GPR39: variants seen among roughly 807,000 people sequenced by gnomAD.
GPR39 encodes zinc sensing receptor.
Under a neutral mutation model 18.4 loss-of-function variants are expected in GPR39, and 23 were observed. That is an observed-to-expected ratio of 1.25 (90% CI 0.90 to 1.77). The LOEUF (loss-of-function observed/expected upper bound fraction) is 1.77. Among genes scored for constraint, GPR39 ranks in the 40% most tolerant of loss-of-function variants. GPR39 has a pLI of 0.00. For missense variants in GPR39, 647 were observed against 602.4 expected (o/e 1.07, Z -0.78); for synonymous variants, 280 against 257.9 (o/e 1.09, Z -0.82).
At chr2:132,590,604 AAAG>A (rs1402031631) in intron 1 of GPR39, among the ~76,000 whole-genome samples, 1 of 152,118 alleles carries the variant, frequency 6.6e-6, no homozygotes, top group African/African-American at 2.4e-5. Flanking sequence ...GGGACTTGCC[AAAG>A]AAGAGAAGAT....
chr2:132,565,799 A>C (rs1309338274), intron 1 of GPR39, among the ~76,000 whole-genome samples: 2 of 148,654 alleles, frequency 1.3e-5, no homozygotes, highest in Non-Finnish European at 3.0e-5. Context: ...CCAGTCTATC[A>C]TTGTTGGACA....
chr2:132,613,430 C>T (rs1681269754), intron 1 of GPR39, among the ~76,000 whole-genome samples: 1 of 152,230 alleles, frequency 6.6e-6, no homozygotes, highest in Non-Finnish European at 1.5e-5. Context: ...TTAGATTAAA[C>T]ACCTCCTTCA....
intron 1 of GPR39, among the ~76,000 whole-genome samples, chr2:132,493,628 G>A (rs1397096435): frequency 2.0e-5 from 3 of 151,424 alleles, no homozygotes; most frequent in Admixed American, 6.6e-5. Flanking sequence ...TCTGATATGT[G>A]CAGTTAGGTA....
intron 1 of GPR39, among the ~76,000 whole-genome samples, chr2:132,570,201 C>T (rs1329390750): frequency 6.6e-6 from 1 of 152,122 alleles, no homozygotes; most frequent in Admixed American, 6.5e-5. Context: ...TTTCTTTCTT[C>T]CACCTTTATC....
intron 1 of GPR39, among the ~76,000 whole-genome samples, chr2:132,623,419 A>T (rs1356154329): frequency 6.6e-6 from 1 of 152,220 alleles, no homozygotes; most frequent in Non-Finnish European, 1.5e-5. Context: ...AGGGACAGTA[A>T]AGAAGAGTAA....
chr2:132,515,176 G>A (rs998325542), intron 1 of GPR39, among the ~76,000 whole-genome samples: 8 of 152,190 alleles, frequency 5.3e-5, no homozygotes, highest in African/African-American at 1.9e-4. Flanking sequence ...GCAGTAGGTG[G>A]CGTTCTGCCA....
chr2:132,451,136 T>C (rs1680624558), intron 1 of GPR39, among the ~76,000 whole-genome samples: 1 of 140,434 alleles, frequency 7.1e-6, no homozygotes, highest in Non-Finnish European at 1.5e-5. Flanking sequence ...GAGCCATTGC[T>C]ATCTTTGAGG....
At chr2:132,560,160 C>T (rs2104803065) in intron 1 of GPR39, among the ~76,000 whole-genome samples, 1 of 152,330 alleles carries the variant, frequency 6.6e-6, no homozygotes, top group East Asian at 1.9e-4. Flanking sequence ...CAACCGCCCA[C>T]CTGCCATTAT....
intron 1 of GPR39, among the ~76,000 whole-genome samples, chr2:132,514,602 G>T (rs982921367): frequency 6.6e-6 from 1 of 152,186 alleles, no homozygotes. Flanking sequence ...GTCAGGCTTT[G>T]CAGGCTCCTT....
Position 132,569,649 on chromosome 2 carries a change from C to T in GPR39, c.857-75452C>T, listed in dbSNP as rs759802821. Reference sequence around the variant, plus strand: ...GCAGTGGGGGTGGGGGGGGTCCCATCGTTCCCTAGAGCTGGCTGTCAACCT... The same window carrying T: ...GCAGTGGGGGTGGGGGGGGTCCCATTGTTCCCTAGAGCTGGCTGTCAACCT... On this transcript the variant is annotated intron_variant, in intron 1 of 1. Coordinates refer to ENST00000329321, the MANE Select transcript of GPR39 (RefSeq NM_001508.3). 7.9e-5 allele frequency among the ~76,000 whole-genome samples: 12 copies of T among 151,798 alleles called. 1 individual carries two copies. The highest frequency in any genetic ancestry group is 4.1e-4 in the South Asian group (2 of 4,820).
chr2:132,586,210 G>A (rs931547863), intron 1 of GPR39, among the ~76,000 whole-genome samples: 1 of 152,016 alleles, frequency 6.6e-6, no homozygotes, highest in African/African-American at 2.4e-5. Context: ...GGCGGGTGGC[G>A]GGGAGAGGGG....
intron 1 of GPR39, among the ~76,000 whole-genome samples, chr2:132,429,187 T>C (rs370109081): frequency 5.9e-5 from 9 of 152,222 alleles, no homozygotes; most frequent in African/African-American, 2.2e-4. Flanking sequence ...CCTGAGGTCA[T>C]CAAACATTGA....
intron 1 of GPR39, among the ~76,000 whole-genome samples, chr2:132,605,679 G>A (rs979466831): frequency 6.6e-6 from 1 of 152,146 alleles, no homozygotes; most frequent in East Asian, 1.9e-4. Context: ...GAGGACGGAT[G>A]CTATTTGGCA....
intron 1 of GPR39, among the ~76,000 whole-genome samples, chr2:132,531,872 C>T (rs1295782404): frequency 2.0e-5 from 3 of 152,158 alleles, no homozygotes; most frequent in Non-Finnish European, 2.9e-5. Context: ...AAATTTATAG[C>T]ACTAAATGCC....
chr2:132,424,482 G>A (rs2104754652), intron 1 of GPR39, among the ~76,000 whole-genome samples: 1 of 152,252 alleles, frequency 6.6e-6, no homozygotes, highest in Non-Finnish European at 1.5e-5. Flanking sequence ...TGGGTCCAGA[G>A]GATGGAATTA....
At chr2:132,574,276 G>T (rs1573675842) in intron 1 of GPR39, among the ~76,000 whole-genome samples, 1 of 152,084 alleles carries the variant, frequency 6.6e-6, no homozygotes. Context: ...TTGCCAATTT[G>T]GTAGGTAAAT....
In GPR39 at chr2:132,592,910, A is replaced by C. The variant is rs1189960418; in HGVS notation, c.857-52191A>C. 2.6e-5 allele frequency among the ~76,000 whole-genome samples: 4 copies of C among 152,232 alleles called. No individual in the cohort carries two copies. The South Asian group carries it at 6.2e-4, about 24-fold the overall frequency. On this transcript the variant is annotated intron_variant, in intron 1 of 1. Coordinates refer to ENST00000329321, the MANE Select transcript of GPR39 (RefSeq NM_001508.3). ...ATCCTCACTTGAGACAGCAGCTATA[A>C]ATTCAAGAGTCCCAGGGCCACCTTC...
chr2:132,563,943 C>A (rs1680301580), intron 1 of GPR39, among the ~76,000 whole-genome samples: 1 of 152,186 alleles, frequency 6.6e-6, no homozygotes, highest in African/African-American at 2.4e-5. Flanking sequence ...TGGGATGTGA[C>A]CTGGCCTCCA....
chr2:132,515,927 G>C lies in GPR39; in HGVS notation c.856+98029G>C, dbSNP rs183135337. Among the ~76,000 whole-genome samples the C allele has an allele frequency of 3.0e-4, 45 of 152,136 alleles. No homozygotes were observed. The East Asian group carries it at 8.5e-3, about 29-fold the overall frequency. On this transcript the variant is annotated intron_variant, in intron 1 of 1. Coordinates refer to ENST00000329321, the MANE Select transcript of GPR39 (RefSeq NM_001508.3). The stretch of plus-strand genomic sequence containing the variant: ...AATACATGGTTTTCCCTAGGTCTTT[G>C]GGTCTTCATTTCTGAAGCCTCCCAT...
Sources: gnomAD v4.1 joint callset for allele counts (sites outside exome capture counted in the v4.1 genomes callset) on GRCh38, gnomAD v4.1.1 for gene constraint, MANE v1.5 for transcripts, NCBI Gene and HGNC (gene_info 2026-07-23, HGNC 2026-07-21) for gene names.